IL1RAPL1: variants seen among roughly 807,000 people sequenced by gnomAD.
IL1RAPL1 encodes interleukin 1 receptor accessory protein like 1, also known as interleukin-1 receptor accessory protein-like 1.
IL1RAPL1 carries 3 observed loss-of-function variants against 48.4 expected under a neutral mutation model. The observed-to-expected ratio is 0.06, with a 90% CI of 0.03 to 0.16. The LOEUF is 0.16. Among genes scored for constraint, IL1RAPL1 ranks in the 10% least tolerant of loss-of-function variants. The pLI is 1.00. For missense variants in IL1RAPL1, 349 were observed against 530.6 expected (o/e 0.66, Z 3.36); for synonymous variants, 185 against 187.7 (o/e 0.99, Z 0.12).
At position 29,212,358 on chromosome X, in the gene IL1RAPL1, G is replaced by T. The variant is rs1569261051; in HGVS notation, c.83-70580G>T. Reference sequence around the variant, plus strand: ...GAGTCTCACCCTGTCACCCAAGCTGGAGTGCAGTGGCACGATCTCAGCTCA... The same window carrying T: ...GAGTCTCACCCTGTCACCCAAGCTGTAGTGCAGTGGCACGATCTCAGCTCA... On this transcript the variant is annotated intron_variant, in intron 2 of 10. Transcript: ENST00000378993. 1.8e-5 allele frequency among the ~76,000 whole-genome samples: 2 copies of T among 111,249 alleles called. 1 individual carries two copies. Among genetic ancestry groups the T allele is most frequent in the South Asian group, 7.6e-4 (2 of 2,623 alleles).
intron 9 of IL1RAPL1, among the ~76,000 whole-genome samples, chrX:29,947,184 A>C (rs1183944663): frequency 8.9e-6 from 1 of 112,006 alleles, no homozygotes; most frequent in Admixed American, 9.4e-5. Flanking sequence ...TTATGCTGGA[A>C]AGATTTTAAA....
At chrX:29,347,902 A>T (rs1208163503) in intron 3 of IL1RAPL1, among the ~76,000 whole-genome samples, 1 of 111,736 alleles carries the variant, frequency 8.9e-6, no homozygotes, top group Non-Finnish European at 1.9e-5. Flanking sequence ...GGCAGGTAGC[A>T]TGTACAGTGA....
intron 6 of IL1RAPL1, among the ~76,000 whole-genome samples, chrX:29,903,637 C>A (rs1932546188): frequency 8.9e-6 from 1 of 111,872 alleles, no homozygotes; most frequent in Non-Finnish European, 1.9e-5. Context: ...TAGAACTGTG[C>A]TCCACTTAGC....
chrX:29,358,883 T>C (rs1447264011), intron 3 of IL1RAPL1, among the ~76,000 whole-genome samples: 1 of 109,409 alleles, frequency 9.1e-6, no homozygotes, highest in East Asian at 2.9e-4. Flanking sequence ...TAGCCAGGCA[T>C]GGTGGCACAT....
intron 6 of IL1RAPL1, among the ~76,000 whole-genome samples, chrX:29,693,770 G>T (rs1926838646): frequency 9.0e-6 from 1 of 111,040 alleles, no homozygotes; most frequent in African/African-American, 3.3e-5. Context: ...CCCATTAATG[G>T]TCACTTTTTA....
At chrX:29,907,652 A>G in intron 6 of IL1RAPL1, among the ~76,000 whole-genome samples, 1 of 111,944 alleles carries the variant, frequency 8.9e-6, no homozygotes. Flanking sequence ...TTGTTTTAAA[A>G]TACATTTTGC....
In IL1RAPL1 at chrX:29,634,709, A is replaced by G. The variant is rs1924910902; in HGVS notation, c.704-33721A>G. On this transcript the variant is annotated intron_variant, in intron 5 of 10. Transcript: ENST00000378993. ...CTCATACCCTGGAGTTCAATTAGCAATCACCATCCTTCTGCACACAAAGCT... is the reference window on the plus strand; with the variant it reads ...CTCATACCCTGGAGTTCAATTAGCAGTCACCATCCTTCTGCACACAAAGCT... 6.3e-5 allele frequency among the ~76,000 whole-genome samples: 7 copies of G among 111,772 alleles called. No individual in the cohort carries two copies. The South Asian group carries it at 2.6e-3, about 42-fold the overall frequency.
chrX:29,102,243 C>T (rs1034981827), intron 2 of IL1RAPL1, among the ~76,000 whole-genome samples: 1 of 111,948 alleles, frequency 8.9e-6, no homozygotes, highest in Non-Finnish European at 1.9e-5. Flanking sequence ...AAATTGAAAG[C>T]CTTTCCTCTA....
chrX:29,508,191 C>T (rs190124827), intron 5 of IL1RAPL1, among the ~76,000 whole-genome samples: 1 of 111,343 alleles, frequency 9.0e-6, no homozygotes, highest in East Asian at 2.8e-4. Context: ...CTCATTAATG[C>T]ACATAAGAAA....
chrX:29,604,282 T>C (rs1019717054), intron 5 of IL1RAPL1, among the ~76,000 whole-genome samples: 3 of 112,134 alleles, frequency 2.7e-5, no homozygotes, highest in African/African-American at 9.7e-5. Context: ...AGGATCAATC[T>C]ATATATGAAA....
At chrX:29,599,444 C>G (rs944626767) in intron 5 of IL1RAPL1, among the ~76,000 whole-genome samples, 1 of 111,779 alleles carries the variant, frequency 8.9e-6, no homozygotes, top group South Asian at 3.7e-4. Flanking sequence ...CCTCACAGCT[C>G]GTAAGATTCT....
At chrX:28,614,710 A>G (rs1157192284) in intron 1 of IL1RAPL1, among the ~76,000 whole-genome samples, 1 of 111,350 alleles carries the variant, frequency 9.0e-6, no homozygotes, top group African/African-American at 3.3e-5. Context: ...CAAATCTGTG[A>G]TAAGATAGGA....
intron 5 of IL1RAPL1, among the ~76,000 whole-genome samples, chrX:29,459,664 T>C (rs1934780100): frequency 8.9e-6 from 1 of 111,786 alleles, no homozygotes; most frequent in South Asian, 3.7e-4. Context: ...AAATACTGTA[T>C]ATAATTGTGT....
rs774204357 is a variant in IL1RAPL1 at position 29,811,113 on chromosome X, C to CT, written c.779-106350dup. Among the ~76,000 whole-genome samples, 210 of 110,112 alleles carry CT rather than the reference C, an allele frequency of 1.9e-3. 1 individual carries two copies. The highest frequency in any genetic ancestry group is 6.5e-3 in the African/African-American group (197 of 30,250). Reference sequence around the variant, plus strand: ...ATGCTGCACAGTTAGGAAATACAGTCTAACGTATAGTGACAAAAGAGGGGG... The same window carrying CT: ...ATGCTGCACAGTTAGGAAATACAGTCTTAACGTATAGTGACAAAAGAGGGGG... On this transcript the variant is annotated intron_variant, in intron 6 of 10. Transcript: ENST00000378993.
intron 6 of IL1RAPL1, among the ~76,000 whole-genome samples, chrX:29,753,254 G>T (rs1399805009): frequency 9.0e-6 from 1 of 111,300 alleles, no homozygotes; most frequent in Non-Finnish European, 1.9e-5. Context: ...AGAGGCACTT[G>T]CTTCATTGTT....
intron 6 of IL1RAPL1, among the ~76,000 whole-genome samples, chrX:29,883,678 A>C (rs1932074862): frequency 9.0e-6 from 1 of 111,558 alleles, no homozygotes; most frequent in African/African-American, 3.3e-5. Flanking sequence ...TTGAGTCTCT[A>C]TTTGTCAATG....
At chrX:29,378,277 C>T (rs1933649346) in intron 3 of IL1RAPL1, among the ~76,000 whole-genome samples, 1 of 111,572 alleles carries the variant, frequency 9.0e-6, no homozygotes, top group Non-Finnish European at 1.9e-5. Context: ...CATGATTTTA[C>T]TTGATTCATT....
At chrX:29,283,475 A>C (rs1932233780) in intron 3 of IL1RAPL1, among the ~76,000 whole-genome samples, 1 of 112,578 alleles carries the variant, frequency 8.9e-6, no homozygotes, top group South Asian at 3.6e-4. Context: ...ACTATGAAAT[A>C]AAATTTATAC....
chrX:29,178,360 T>C (rs1374866635), intron 2 of IL1RAPL1, among the ~76,000 whole-genome samples: 1 of 112,538 alleles, frequency 8.9e-6, no homozygotes, highest in African/African-American at 3.2e-5. Context: ...ATGAGCATTT[T>C]GTCATGTGTC....
Sources: allele counts gnomAD v4.1 joint callset (sites outside exome capture counted in the v4.1 genomes callset), GRCh38; gene constraint gnomAD v4.1.1; transcripts MANE v1.5; gene names NCBI Gene and HGNC (gene_info 2026-07-23, HGNC 2026-07-21).